Variants in AK4 observed in about 807,000 individuals in gnomAD.
AK4 encodes adenylate kinase 4.
Under a neutral mutation model 24.6 loss-of-function variants are expected in AK4, and 13 were observed. The observed-to-expected ratio is 0.53, with a 90% CI of 0.34 to 0.84. The LOEUF is 0.84. AK4 is among the 40% of genes least tolerant of loss of function. The pLI, the probability that AK4 is intolerant of heterozygous loss-of-function variation, is 0.01. For missense variants in AK4, 192 were observed against 288.2 expected (o/e 0.67, Z 2.42); for synonymous variants, 88 against 107.0 (o/e 0.82, Z 1.10).
In AK4 at chr1:65,190,789, C is replaced by G. The variant is rs745970024; in HGVS notation, c.225C>G (p.Ser75=). ...ATGTGATCACACGCCTAATGATGTC[C>G]GAGTTGGAGAACAGGCGTGGCCAGC... ...PDHVITRLMM[S]ELENRRGQHW... The change falls in exon 2 of 5, where the codon TCC becomes TCG. Residue 75 remains serine (S), a synonymous_variant. Transcript: ENST00000327299. The G allele has an allele frequency of 6.2e-7, 1 of 1,614,020 alleles. No homozygotes were observed. The highest frequency in any genetic ancestry group is 1.3e-5 in the African/African-American group (1 of 75,016).
chr1:65,200,972 TTAG>T, intron 2 of AK4, among the ~76,000 whole-genome samples: 1 of 152,208 alleles, frequency 6.6e-6, no homozygotes, highest in East Asian at 1.9e-4. Context: ...TTTTGTATGT[TTAG>T]TAGAGACGGG....
At chr1:65,158,517 T>C (rs924132608) in intron 1 of AK4, among the ~76,000 whole-genome samples, 1 of 152,260 alleles carries the variant, frequency 6.6e-6, no homozygotes, top group African/African-American at 2.4e-5. Context: ...TTTTTTTTCT[T>C]TGAGGCGGAG....
chr1:65,209,180 A>G (rs1240064795), intron 2 of AK4, among the ~76,000 whole-genome samples: 1 of 152,210 alleles, frequency 6.6e-6, no homozygotes, highest in Non-Finnish European at 1.5e-5. Context: ...GTGTGGAAGC[A>G]TGATAAAGCA....
chr1:65,207,825 T>C (rs1363587416), intron 2 of AK4, among the ~76,000 whole-genome samples: 1 of 152,148 alleles, frequency 6.6e-6, no homozygotes, highest in African/African-American at 2.4e-5. Context: ...TTAGTTCTCT[T>C]AGGCTAATGG....
chr1:65,154,701 C>T (rs570483778), intron 1 of AK4: 16 of 322,442 alleles, frequency 5.0e-5, no homozygotes, highest in African/African-American at 1.5e-4. Context: ...TACAAAACCA[C>T]GATAGTTCTT....
chr1:65,153,568 G>T (rs138276866), intron 1 of AK4, among the ~76,000 whole-genome samples: 229 of 152,198 alleles, frequency 1.5e-3, no homozygotes, highest in Non-Finnish European at 2.7e-3. Context: ...ACCATGCCTG[G>T]CCAGGATCAT....
intron 1 of AK4, 86 bp downstream of exon 1, chr1:65,148,638 G>A: frequency 7.0e-7 from 1 of 1,425,718 alleles, no homozygotes. Flanking sequence ...CCGGATCACG[G>A]CGCCCTTCCC....
At chr1:65,167,590 T>C (rs1650375503) in intron 1 of AK4, among the ~76,000 whole-genome samples, 1 of 152,188 alleles carries the variant, frequency 6.6e-6, no homozygotes, top group Non-Finnish European at 1.5e-5. Context: ...GTTTTGGTTT[T>C]CTAGGGTTCT....
intron 3 of AK4, among the ~76,000 whole-genome samples, chr1:65,219,462 CAA>C (rs1289858120): frequency 6.6e-6 from 1 of 151,930 alleles, no homozygotes; most frequent in Non-Finnish European, 1.5e-5. Context: ...GGGCAAAAAA[CAA>C]AACCAAAAAA....
At chr1:65,185,456 C>A (rs1651065810) in intron 1 of AK4, among the ~76,000 whole-genome samples, 2 of 152,114 alleles carry the variant, frequency 1.3e-5, no homozygotes, top group Admixed American at 1.3e-4. Flanking sequence ...CTTTGACTGT[C>A]AGTGCTTGAA....
chr1:65,201,547 A>G (rs1651663703), intron 2 of AK4, among the ~76,000 whole-genome samples: 4 of 152,232 alleles, frequency 2.6e-5, no homozygotes, highest in Admixed American at 2.6e-4. Context: ...AATTGAGTAT[A>G]CATTTTTTGT....
At chr1:65,168,572 A>G (rs1650409309) in intron 1 of AK4, among the ~76,000 whole-genome samples, 1 of 152,174 alleles carries the variant, frequency 6.6e-6, no homozygotes. Flanking sequence ...GATTATAGGC[A>G]TGAGCCACCA....
At chr1:65,220,044 T>C (rs1652251465) in intron 3 of AK4, among the ~76,000 whole-genome samples, 1 of 152,234 alleles carries the variant, frequency 6.6e-6, no homozygotes, top group African/African-American at 2.4e-5. Context: ...TGATATGCAC[T>C]ACACATTCTG....
intron 2 of AK4, among the ~76,000 whole-genome samples, chr1:65,204,744 T>A (rs138968190): frequency 5.1e-4 from 77 of 152,310 alleles, no homozygotes; most frequent in African/African-American, 1.8e-3. Flanking sequence ...TCCTTTAACC[T>A]CCTCTTACCC....
chr1:65,193,456 A>G (rs1183711333), intron 2 of AK4, among the ~76,000 whole-genome samples: 1 of 152,186 alleles, frequency 6.6e-6, no homozygotes, highest in African/African-American at 2.4e-5. Flanking sequence ...TAGCCATGCT[A>G]ATCTCTTTAG....
At chr1:65,196,875 T>C (rs922441659) in intron 2 of AK4, among the ~76,000 whole-genome samples, 2 of 152,198 alleles carry the variant, frequency 1.3e-5, no homozygotes, top group African/African-American at 2.4e-5. Flanking sequence ...TTAATGGACT[T>C]ACAGTTCCAC....
At chr1:65,225,429 T>A (rs1570150892) in intron 4 of AK4, among the ~76,000 whole-genome samples, 1 of 152,294 alleles carries the variant, frequency 6.6e-6, no homozygotes, top group East Asian at 1.9e-4. Flanking sequence ...CAGTTATCAT[T>A]CTAGGGCACG....
chr1:65,205,514 C>T (rs1456582425), intron 2 of AK4, among the ~76,000 whole-genome samples: 2 of 152,156 alleles, frequency 1.3e-5, no homozygotes, highest in African/African-American at 4.8e-5. Flanking sequence ...GATTTACAGG[C>T]GTGAGCCACT....
intron 1 of AK4, among the ~76,000 whole-genome samples, chr1:65,184,294 CAT>C (rs1175559164): frequency 1.3e-5 from 2 of 152,262 alleles, no homozygotes; most frequent in South Asian, 4.1e-4. Context: ...TATATGAACA[CAT>C]AATTTTGTTA....
Sources: allele counts gnomAD v4.1 joint callset (sites outside exome capture counted in the v4.1 genomes callset), GRCh38; gene constraint gnomAD v4.1.1; transcripts MANE v1.5; gene names NCBI Gene and HGNC (gene_info 2026-07-23, HGNC 2026-07-21).